MYRIP: variants seen among roughly 807,000 people sequenced by gnomAD.
MYRIP encodes the protein rab effector MyRIP.
MYRIP carries 49 observed loss-of-function variants against 98.0 expected under a neutral mutation model. That is an observed-to-expected ratio of 0.50 (90% CI 0.40 to 0.63). The LOEUF (loss-of-function observed/expected upper bound fraction) is 0.63, where lower values mean the gene tolerates loss of function less well. Ranked by LOEUF, MYRIP falls within the 30% of genes least tolerant of loss-of-function variation. The probability of loss-of-function intolerance (pLI) is 0.00; values close to 1 mark genes in which losing one functional copy is unlikely to be tolerated. For synonymous variants in MYRIP, 404 were observed against 409.5 expected (o/e 0.99, Z 0.16); for missense variants, 1,004 against 1,058.2 (o/e 0.95, Z 0.71).
intron 9 of MYRIP, among the ~76,000 whole-genome samples, chr3:40,187,955 G>A (rs1405264322): frequency 6.6e-6 from 1 of 152,212 alleles, no homozygotes; most frequent in Non-Finnish European, 1.5e-5. Flanking sequence ...GAAGGCAAGA[G>A]CAGCAGAGAA....
chr3:40,254,856 G>T (rs151070485), intron 16 of MYRIP, among the ~76,000 whole-genome samples: 21 of 152,218 alleles, frequency 1.4e-4, no homozygotes, highest in African/African-American at 5.1e-4. Flanking sequence ...CCAGTTAAGC[G>T]GAGGGCAGAT....
intron 3 of MYRIP, among the ~76,000 whole-genome samples, chr3:40,110,253 A>G (rs1575545063): frequency 6.6e-6 from 1 of 152,206 alleles, no homozygotes; most frequent in African/African-American, 2.4e-5. Flanking sequence ...GAAAGGGCAT[A>G]TTTGCATTTA....
chr3:39,921,881 C>CAA (rs34179419), intron 2 of MYRIP, among the ~76,000 whole-genome samples: 25,494 of 75,388 alleles, frequency 0.34, 3,835 homozygotes, highest in Non-Finnish European at 0.38. Flanking sequence ...GACTCCGTCT[C>CAA]AAAAAAAAAA....
chr3:39,855,264 A>T (rs1234577219), intron 1 of MYRIP, among the ~76,000 whole-genome samples: 1 of 152,156 alleles, frequency 6.6e-6, no homozygotes, highest in African/African-American at 2.4e-5. Flanking sequence ...TAAGTTGGTT[A>T]TCCTCCAGCC....
At chr3:39,825,055 A>G (rs1191429065) in intron 1 of MYRIP, among the ~76,000 whole-genome samples, 1 of 152,176 alleles carries the variant, frequency 6.6e-6, no homozygotes, top group Non-Finnish European at 1.5e-5. Flanking sequence ...GTTGTATACT[A>G]CAACTTTATT....
chr3:39,975,619 G>T (rs1317349620), intron 2 of MYRIP, among the ~76,000 whole-genome samples: 1 of 151,966 alleles, frequency 6.6e-6, no homozygotes, highest in Non-Finnish European at 1.5e-5. Flanking sequence ...GAACAAAGCT[G>T]GAGGCATCAC....
chr3:40,061,604 A>C (rs1159124018), intron 3 of MYRIP, among the ~76,000 whole-genome samples: 1 of 152,190 alleles, frequency 6.6e-6, no homozygotes, highest in Non-Finnish European at 1.5e-5. Flanking sequence ...GTACCCAGTA[A>C]TGGGATTGCT....
At chr3:40,120,487 G>C (rs1016668549) in intron 3 of MYRIP, among the ~76,000 whole-genome samples, 1 of 152,190 alleles carries the variant, frequency 6.6e-6, no homozygotes, top group African/African-American at 2.4e-5. Flanking sequence ...ACATCGGTGA[G>C]GCAGCATTCG....
rs562175284 is a variant in MYRIP, at chr3:40,156,468, C to T, written c.469+5284C>T. On this transcript the variant is annotated intron_variant, in intron 4 of 16. Coordinates refer to ENST00000302541, the MANE Select transcript of MYRIP (RefSeq NM_015460.4). ...CTCTTTTGGCTTAGGATTGACTTGG[C>T]GATGTGGGCTCTTTTTTGGTGCCAT... Among the ~76,000 whole-genome samples the T allele has an allele frequency of 9.8e-3, 1,492 of 152,168 alleles. 19 individuals carry two copies. The highest frequency in any genetic ancestry group is 0.033 in the African/African-American group (1,373 of 41,522).
rs572594914 is a variant in MYRIP at position 40,092,119 on chromosome 3, C to G, written c.332+47848C>G. The stretch of plus-strand genomic sequence containing the variant: ...TTTCCCCAACCTGCCAGTCTGTGCT[C>G]ATTCTGAAGACACAGAGCCCCTCAC... On this transcript the variant is annotated intron_variant, in intron 3 of 16. Transcript: ENST00000302541. 2.0e-5 allele frequency among the ~76,000 whole-genome samples: 3 copies of G among 152,318 alleles called. No individual in the cohort carries two copies. The South Asian group carries it at 6.2e-4, about 32-fold the overall frequency.
chr3:39,931,115 C>G (rs6773431), intron 2 of MYRIP, among the ~76,000 whole-genome samples: 56,342 of 151,794 alleles, frequency 0.37, 10,763 homozygotes, highest in East Asian at 0.46. Context: ...ATCTGTAGAT[C>G]AGTTTGGAGA....
In MYRIP at chr3:40,120,427, G is replaced by A. The variant is rs561441976; in HGVS notation, c.333-30621G>A. Among the ~76,000 whole-genome samples the A allele has an allele frequency of 2.6e-5, 4 of 152,274 alleles. No individual in the cohort carries two copies. The East Asian group carries it at 7.7e-4, about 29-fold the overall frequency. On this transcript the variant is annotated intron_variant, in intron 3 of 16. Transcript: ENST00000302541. Reference sequence around the variant, plus strand: ...AGGAAATTGTACATAATTTTGATATGAATATGAAGATGTTATCAGAGCAAA... The same window carrying A: ...AGGAAATTGTACATAATTTTGATATAAATATGAAGATGTTATCAGAGCAAA...
chr3:40,237,976 GT>G (rs71618926), intron 12 of MYRIP, among the ~76,000 whole-genome samples: 2 of 151,954 alleles, frequency 1.3e-5, no homozygotes, highest in African/African-American at 4.8e-5. Context: ...TTAATTGTAT[GT>G]TTTTTTTCCT....
At chr3:40,079,480 C>T (rs1948427549) in intron 3 of MYRIP, among the ~76,000 whole-genome samples, 1 of 152,218 alleles carries the variant, frequency 6.6e-6, no homozygotes, top group Non-Finnish European at 1.5e-5. Flanking sequence ...GCAGCTCACA[C>T]CTCTGTCAGA....
chr3:40,086,416 G>A (rs999150751), intron 3 of MYRIP, among the ~76,000 whole-genome samples: 5 of 152,210 alleles, frequency 3.3e-5, no homozygotes, highest in African/African-American at 1.2e-4. Context: ...TTGGAGGGAT[G>A]GGAAGACTGT....
chr3:40,097,755 G>A (rs1452783199), intron 3 of MYRIP, among the ~76,000 whole-genome samples: 1 of 152,212 alleles, frequency 6.6e-6, no homozygotes, highest in Admixed American at 6.5e-5. Flanking sequence ...TCTGTAGACA[G>A]AAGTCTGCAG....
At chr3:40,172,393 A>G (rs1409270472) in intron 8 of MYRIP, among the ~76,000 whole-genome samples, 6 of 152,136 alleles carry the variant, frequency 3.9e-5, no homozygotes. Context: ...GAGGAAGGGC[A>G]CTGCTACAGG....
intron 1 of MYRIP, among the ~76,000 whole-genome samples, chr3:39,852,029 C>T (rs556869165): frequency 7.2e-4 from 109 of 152,198 alleles, no homozygotes; most frequent in African/African-American, 2.3e-3. Context: ...TTTGTTCATT[C>T]TTTCATTTAC....
intron 11 of MYRIP, chr3:40,233,169 G>A (rs1243069030): frequency 1.3e-5 from 2 of 152,234 alleles, no homozygotes; most frequent in African/African-American, 4.8e-5. Context: ...GGCTTTCCCT[G>A]TGGACTCACT....
Sources: gnomAD v4.1 joint callset for allele counts (sites outside exome capture counted in the v4.1 genomes callset) on GRCh38, gnomAD v4.1.1 for gene constraint, MANE v1.5 for transcripts, NCBI Gene and HGNC (gene_info 2026-07-23, HGNC 2026-07-21) for gene names.